Variants in LINGO1 observed in about 807,000 individuals in gnomAD.
LINGO1 encodes leucine-rich repeat and immunoglobulin-like domain-containing nogo receptor-interacting protein 1.
In LINGO1, 11 loss-of-function variants were observed where a neutral mutation model predicts 37.3. The observed-to-expected ratio is 0.29, with a 90% confidence interval of 0.19 to 0.49. The LOEUF is 0.49. Ranked by LOEUF, LINGO1 falls within the 20% of genes least tolerant of loss-of-function variation. The pLI is 0.99. For missense variants in LINGO1, 585 were observed against 878.2 expected, an observed-to-expected ratio of 0.67 and a Z score of 4.22; for synonymous variants, 387 against 403.0, an observed-to-expected ratio of 0.96 and a Z score of 0.48.
intron 1 of LINGO1, among the ~76,000 whole-genome samples, chr15:77,815,640 C>T (rs528088004): frequency 6.2e-4 from 94 of 152,258 alleles, no homozygotes; most frequent in African/African-American, 2.1e-3. Flanking sequence ...GACTTCAGGA[C>T]ACTTGCCACC....
At chr15:77,791,937 C>T (rs1184550663), upstream of LINGO1, among the ~76,000 whole-genome samples, 1 of 152,002 alleles carries the variant, frequency 6.6e-6, no homozygotes, top group Non-Finnish European at 1.5e-5. Flanking sequence ...GCAGGAAGCT[C>T]CCCAGGGCTG....
In LINGO1 at chr15:77,776,526, AAGGG is replaced by A. The variant is rs56325112; in HGVS notation, c.-257+10339_-257+10342del. ...GAAGGCAGGAAGGCAGGAAGGGAGG[AAGGG>A]AGGGAGGGAGGGAGGGAGGGAGGGA... On this transcript the variant is annotated intron_variant, in intron 1 of 3. Coordinates refer to the LINGO1 transcript ENST00000561686. Among the ~76,000 whole-genome samples the A allele has an allele frequency of 1.4e-3, 49 of 35,784 alleles. 1 individual carries two copies. The highest frequency in any genetic ancestry group is 3.9e-3 in the African/African-American group (39 of 10,014). The allele number at this position is 35,784 out of a possible 152,430, so 23.5% of individuals were successfully genotyped here.
chr15:77,750,286 G>A (rs2076357834), intron 1 of LINGO1, among the ~76,000 whole-genome samples: 1 of 152,340 alleles, frequency 6.6e-6, no homozygotes, highest in Admixed American at 6.5e-5. Flanking sequence ...ACTAGCAAAT[G>A]AGTAAGAAGA....
chr15:77,676,216 C>A (rs1249712790), intron 3 of LINGO1, among the ~76,000 whole-genome samples: 1 of 152,216 alleles, frequency 6.6e-6, no homozygotes, highest in Non-Finnish European at 1.5e-5. Context: ...CTCCAGGACA[C>A]CCACAACAGC....
chr15:77,746,040 T>C (rs1596182967), intron 1 of LINGO1, among the ~76,000 whole-genome samples: 1 of 150,418 alleles, frequency 6.6e-6, no homozygotes, highest in East Asian at 1.9e-4. Flanking sequence ...TGAAACCCTG[T>C]CTCTACAAAA....
intron 1 of LINGO1, among the ~76,000 whole-genome samples, chr15:77,755,438 T>C (rs1205481538): frequency 9.9e-5 from 15 of 152,232 alleles, no homozygotes; most frequent in Non-Finnish European, 1.9e-4. Flanking sequence ...GCGTCAGACC[T>C]GGAATTGAAT....
intron 2 of LINGO1, among the ~76,000 whole-genome samples, chr15:77,724,854 C>A (rs1031065152): frequency 1.3e-5 from 2 of 152,186 alleles, no homozygotes; most frequent in African/African-American, 4.8e-5. Context: ...CCTTGGCAGA[C>A]CTTCAAGAAA....
At chr15:77,683,993 C>T (rs1278362617) in intron 2 of LINGO1, among the ~76,000 whole-genome samples, 5 of 152,180 alleles carry the variant, frequency 3.3e-5, no homozygotes, top group African/African-American at 1.2e-4. Flanking sequence ...AATCCAGATG[C>T]TCCCAACTCC....
chr15:77,789,819 C>T (rs1211885698), upstream of LINGO1, among the ~76,000 whole-genome samples: 1 of 151,940 alleles, frequency 6.6e-6, no homozygotes, highest in Non-Finnish European at 1.5e-5. Context: ...CAGGGAATTG[C>T]TCTTCACCCA....
At chr15:77,768,253 T>TA (rs11372567) in intron 1 of LINGO1, among the ~76,000 whole-genome samples, 117,186 of 151,728 alleles carry the variant, frequency 0.77, 46,803 homozygotes, top group Non-Finnish European at 0.87. Flanking sequence ...TCCCTTCTCA[T>TA]AAAGGGCCAG....
At chr15:77,766,170 C>G (rs948453385) in intron 1 of LINGO1, among the ~76,000 whole-genome samples, 6 of 151,900 alleles carry the variant, frequency 3.9e-5, no homozygotes, top group Non-Finnish European at 7.4e-5. Flanking sequence ...TGGTGGCATG[C>G]ACCTGTAGTC....
intron 2 of LINGO1, among the ~76,000 whole-genome samples, chr15:77,689,655 C>G (rs2075570377): frequency 6.6e-6 from 1 of 152,118 alleles, no homozygotes; most frequent in Non-Finnish European, 1.5e-5. Flanking sequence ...TTCCCTGGAC[C>G]AGCCCAAGGC....
At chr15:77,794,554 G>A (rs1467255181) in intron 2 of LINGO1, among the ~76,000 whole-genome samples, 3 of 112,906 alleles carry the variant, frequency 2.7e-5, no homozygotes, top group Non-Finnish European at 3.8e-5. Flanking sequence ...GTATATATGT[G>A]TATATATACA....
At chr15:77,719,751 C>T (rs2076026688) in intron 2 of LINGO1, among the ~76,000 whole-genome samples, 1 of 145,760 alleles carries the variant, frequency 6.9e-6, no homozygotes, top group Non-Finnish European at 1.5e-5. Context: ...CTCATTCACA[C>T]ACTCACATTC....
intron 1 of LINGO1, among the ~76,000 whole-genome samples, chr15:77,756,225 C>G (rs551622122): frequency 6.6e-6 from 1 of 152,112 alleles, no homozygotes; most frequent in Non-Finnish European, 1.5e-5. Context: ...CTCCTGTGAT[C>G]GCAGCAACTG....
rs771787342 is a variant in LINGO1, at chr15:77,632,295, G to A, written c.6+15C>T. ...GGCTGCCCGCTCGGGGCTCGGCCGC[G>A]GCCGCCTGGCTCACCTGCATCTCGG... On this transcript the variant is annotated intron_variant, in intron 1 of 1. Coordinates refer to ENST00000355300, the MANE Select transcript of LINGO1 (RefSeq NM_032808.7). This position sits in a 1 kb window ranked among gnomAD's most constrained non-coding sequence, Gnocchi z 6.0. The A allele has an allele frequency of 2.1e-6, 3 of 1,428,648 alleles. No homozygotes were observed. The highest frequency in any genetic ancestry group is 1.4e-5 in the South Asian group (1 of 70,382). 88.5% of individuals were successfully genotyped at this position (1,428,648 alleles called of 1,614,324 possible). A position where few individuals can be genotyped will look rare whatever the true frequency, so the allele number is the denominator to read the frequency against.
At chr15:77,693,999 C>CAGCA (rs1373451327) in intron 1 of LINGO1, among the ~76,000 whole-genome samples, 1 of 152,112 alleles carries the variant, frequency 6.6e-6, no homozygotes, top group African/African-American at 2.4e-5. Context: ...GGAAACAGAT[C>CAGCA]TCTGTTCAGC....
At chr15:77,745,076 C>T (rs1168211536) in intron 1 of LINGO1, among the ~76,000 whole-genome samples, 2 of 149,196 alleles carry the variant, frequency 1.3e-5, no homozygotes, top group South Asian at 2.2e-4. Flanking sequence ...CGAGATTGCA[C>T]CACTGCACTC....
At chr15:77,746,512 T>C (rs927153851) in intron 1 of LINGO1, among the ~76,000 whole-genome samples, 7 of 152,184 alleles carry the variant, frequency 4.6e-5, no homozygotes, top group Non-Finnish European at 1.0e-4. Context: ...CCTGAACCTG[T>C]GGTCTGGCTG....
Sources: allele counts gnomAD v4.1 joint callset (sites outside exome capture counted in the v4.1 genomes callset), GRCh38; gene constraint gnomAD v4.1.1; non-coding constraint Gnocchi (gnomAD v3.1); transcripts MANE v1.5; gene names NCBI Gene and HGNC (gene_info 2026-07-23, HGNC 2026-07-21).